HS2ST1: variants seen among roughly 807,000 people sequenced by gnomAD.
HS2ST1 encodes the protein heparan sulfate 2-O-sulfotransferase 1.
In HS2ST1, 18 loss-of-function variants were observed where a neutral mutation model predicts 42.9. The ratio of observed to expected loss-of-function variants is 0.42; its 90% CI spans 0.29 to 0.62. The LOEUF is 0.62. HS2ST1 is among the 20% of genes least tolerant of loss of function. HS2ST1 has a pLI of 0.21. For synonymous variants in HS2ST1, 146 were observed against 152.9 expected, an observed-to-expected ratio of 0.95 and a Z score of 0.33; for missense variants, 334 against 433.8, an observed-to-expected ratio of 0.77 and a Z score of 2.04.
chr1:87,097,987 A>G lies in HS2ST1; in HGVS notation c.686+52A>G, dbSNP rs775768664. 1.2e-5 allele frequency: 19 copies of G among 1,610,002 alleles called. No homozygotes were observed. The South Asian group carries it at 1.7e-4, about 14-fold the overall frequency. ...TGATTATCATCCTTATTATCTCTGT[A>G]ATCTGTGTTTCATTTCACAAGGGCT... On this transcript the variant is annotated intron_variant, in intron 5 of 6. Coordinates refer to ENST00000370550, the MANE Select transcript of HS2ST1 (RefSeq NM_012262.4).
chr1:87,002,870 A>G (rs1649332215), intron 1 of HS2ST1, among the ~76,000 whole-genome samples: 1 of 152,204 alleles, frequency 6.6e-6, no homozygotes, highest in African/African-American at 2.4e-5. Flanking sequence ...GAATGTAGAT[A>G]TGGAACAATG....
At position 86,924,401 on chromosome 1, in the gene HS2ST1, G is replaced by A. The variant is rs141246181; in HGVS notation, c.124+9241G>A. On this transcript the variant is annotated intron_variant, in intron 1 of 6. Coordinates refer to ENST00000370550, the MANE Select transcript of HS2ST1 (RefSeq NM_012262.4). ...AGAACAGTGGCCCTCTTCTCACAGC[G>A]CCACTAGGTGGTGCCCCAGTAGGGA... Among the ~76,000 whole-genome samples the A allele has an allele frequency of 3.8e-3, 580 of 152,302 alleles. 4 individuals are homozygous for A. Among genetic ancestry groups the A allele is most frequent in the Middle Eastern group, 0.02 (6 of 294 alleles).
At chr1:87,031,571 G>C (rs1338706583) in intron 1 of HS2ST1, among the ~76,000 whole-genome samples, 1 of 152,150 alleles carries the variant, frequency 6.6e-6, no homozygotes, top group Admixed American at 6.5e-5. Flanking sequence ...TATTTAGTTT[G>C]GTTGCATTCT....
chr1:87,073,241 G>A, intron 2 of HS2ST1, 69 bp downstream of exon 2: 1 of 1,089,002 alleles, frequency 9.2e-7, no homozygotes. Context: ...TAGCTCAAGG[G>A]GATAAAGTAT....
chr1:87,084,401 T>A, intron 3 of HS2ST1, 122 bp downstream of exon 3: 1 of 586,132 alleles, frequency 1.7e-6, no homozygotes, highest in Non-Finnish European at 2.9e-6. Flanking sequence ...CCTTTGCCAG[T>A]TTTAGATCTG....
intron 1 of HS2ST1, among the ~76,000 whole-genome samples, chr1:87,016,421 T>C (rs2100583370): frequency 6.6e-6 from 1 of 152,326 alleles, no homozygotes; most frequent in African/African-American, 2.4e-5. Context: ...AGTGAATTAA[T>C]TAATTCTTTA....
At position 86,934,942 on chromosome 1, in the gene HS2ST1, A is replaced by AAAAAAAAAAAG. The variant is rs1660613584; in HGVS notation, c.124+19784_124+19794dup. ...GACTCCATCCCAAAAAAAAAAAAAA[A>AAAAAAAAAAAG]AAAAAAAAAAGAGTTACTGATTTTC... is the stretch of plus-strand genomic sequence containing the variant. On this transcript the variant is annotated intron_variant, in intron 1 of 6. Transcript: ENST00000370550. The AAAAAAAAAAAG allele has an allele frequency of 1.3e-5, 2 of 151,518 alleles. 1 individual carries two copies. The highest frequency in any genetic ancestry group is 4.9e-5 in the African/African-American group (2 of 41,120). 9.4% of individuals were successfully genotyped at this position (151,518 alleles called of 1,614,324 possible). A position where few individuals can be genotyped will look rare whatever the true frequency, so the allele number is the denominator to read the frequency against.
At chr1:86,942,083 C>G (rs950426428) in intron 1 of HS2ST1, among the ~76,000 whole-genome samples, 5 of 152,130 alleles carry the variant, frequency 3.3e-5, no homozygotes, top group Non-Finnish European at 5.9e-5. Context: ...TAAAGACTTT[C>G]CTAATAAAAA....
At chr1:87,078,766 C>G (rs569700745) in intron 2 of HS2ST1, among the ~76,000 whole-genome samples, 1 of 152,174 alleles carries the variant, frequency 6.6e-6, no homozygotes, top group South Asian at 2.1e-4. Context: ...CTTCTTACTC[C>G]TCTGTATTTT....
chr1:86,940,898 G>A (rs767409524), intron 1 of HS2ST1, among the ~76,000 whole-genome samples: 10 of 152,116 alleles, frequency 6.6e-5, no homozygotes, highest in Admixed American at 2.6e-4. Context: ...AGGGGCTGAG[G>A]TGTCAGGATC....
At chr1:87,022,767 G>C (rs17418600) in intron 1 of HS2ST1, among the ~76,000 whole-genome samples, 13,340 of 152,238 alleles carry the variant, frequency 0.088, 683 homozygotes, top group Non-Finnish European at 0.12. Context: ...AGTCAGTTGT[G>C]CTATAATAAA....
intron 1 of HS2ST1, among the ~76,000 whole-genome samples, chr1:86,992,234 G>A (rs1648973574): frequency 7.9e-6 from 1 of 126,980 alleles, no homozygotes; most frequent in South Asian, 2.6e-4. Flanking sequence ...TGAAAAAATT[G>A]TCTTCCTCAA....
chr1:86,962,989 G>A (rs1370567884), intron 1 of HS2ST1, among the ~76,000 whole-genome samples: 1 of 152,094 alleles, frequency 6.6e-6, no homozygotes, highest in African/African-American at 2.4e-5. Context: ...CTAGAAAAAG[G>A]TGGTAGTATA....
intron 1 of HS2ST1, among the ~76,000 whole-genome samples, chr1:87,067,673 G>C (rs1486687997): frequency 2.0e-5 from 3 of 152,236 alleles, no homozygotes; most frequent in Middle Eastern, 6.8e-3. Context: ...TGTTGCCTAG[G>C]TTTTCTTGTA....
Position 87,061,751 on chromosome 1 carries a change from C to T in HS2ST1, c.125-11183C>T, listed in dbSNP as rs565835129. On this transcript the variant is annotated intron_variant, in intron 1 of 6. Coordinates refer to ENST00000370550, the MANE Select transcript of HS2ST1 (RefSeq NM_012262.4). ...TTTCAGTTCTCTGGGGTGGTATATA[C>T]CTTGGAGTAGAATTACTGAGGTATT... 7.9e-5 allele frequency among the ~76,000 whole-genome samples: 12 copies of T among 152,044 alleles called. 1 individual carries two copies. In the South Asian group the frequency reaches 2.1e-3, roughly 26 times the overall value.
At chr1:86,963,747 C>A (rs1273145142) in intron 1 of HS2ST1, among the ~76,000 whole-genome samples, 1 of 146,876 alleles carries the variant, frequency 6.8e-6, no homozygotes, top group Non-Finnish European at 1.5e-5. Flanking sequence ...CAGAGGCGCC[C>A]CCCCCCCCAC....
chr1:86,997,257 A>G (rs1205291399), intron 1 of HS2ST1, among the ~76,000 whole-genome samples: 2 of 152,194 alleles, frequency 1.3e-5, no homozygotes, highest in African/African-American at 4.8e-5. Context: ...TAATATCTGC[A>G]TATAAGTTCT....
chr1:86,976,752 T>G (rs191340259), intron 1 of HS2ST1, among the ~76,000 whole-genome samples: 1 of 108,984 alleles, frequency 9.2e-6, no homozygotes, highest in African/African-American at 3.0e-5. Flanking sequence ...TGCTGCCCAT[T>G]TTTTTTTTAC....
intron 1 of HS2ST1, among the ~76,000 whole-genome samples, chr1:87,035,010 A>C (rs1650336848): frequency 6.6e-6 from 1 of 152,186 alleles, no homozygotes; most frequent in South Asian, 2.1e-4. Context: ...CAGAAGCAGG[A>C]GTCTTAGTCA....
Sources: allele counts gnomAD v4.1 joint callset (sites outside exome capture counted in the v4.1 genomes callset), GRCh38; gene constraint gnomAD v4.1.1; transcripts MANE v1.5; gene names NCBI Gene and HGNC (gene_info 2026-07-23, HGNC 2026-07-21).